Variants in AKR7A2 observed in about 807,000 individuals in gnomAD.
AKR7A2 encodes aflatoxin B1 aldehyde reductase member 2.
Under a neutral mutation model 37.3 loss-of-function variants are expected in AKR7A2, and 29 were observed. The observed-to-expected ratio is 0.78, with a 90% CI of 0.58 to 1.06. The LOEUF (loss-of-function observed/expected upper bound fraction) is 1.06. Ranked by LOEUF, AKR7A2 falls within the 50% of genes least tolerant of loss-of-function variation. The pLI is 0.00. For missense variants in AKR7A2, 529 were observed against 497.9 expected (o/e 1.06, Z -0.59); for synonymous variants, 228 against 217.8 (o/e 1.05, Z -0.41).
intron 6 of AKR7A2, among the ~76,000 whole-genome samples, chr1:19,305,336 T>G (rs912697981): frequency 5.3e-5 from 8 of 152,198 alleles, no homozygotes; most frequent in African/African-American, 1.9e-4. Context: ...TTATTTTCAT[T>G]GTTGTTTGCT....
At position 19,304,432 on chromosome 1, in the gene AKR7A2, G is replaced by A. The variant is rs758965639; in HGVS notation, c.919-46C>T. On this transcript the variant is annotated intron_variant, in intron 6 of 6. Coordinates refer to ENST00000235835, the MANE Select transcript of AKR7A2 (RefSeq NM_003689.4). ...CTTCAACCCTCTTCTGCTGCACAGC[G>A]ACTCCACTCACAGCCGTCCCAGCCA... The A allele has an allele frequency of 6.7e-5, 108 of 1,613,572 alleles. 1 individual carries two copies. The highest frequency in any genetic ancestry group is 4.9e-4 in the Middle Eastern group (3 of 6,078).
At position 19,308,140 on chromosome 1, in the gene AKR7A2, T is replaced by C; in HGVS notation, c.591+18A>G. On this transcript the variant is annotated intron_variant, in intron 3 of 6. Coordinates refer to ENST00000235835, the MANE Select transcript of AKR7A2 (RefSeq NM_003689.4). ...CAGGAGTCCTGGAGACCTTGGCCTC[T>C]GCAGCCCCGGCCCTCACCTGGTACA... 6.2e-7 allele frequency: 1 copy of C among 1,613,938 alleles called. No homozygotes were observed. The highest frequency in any genetic ancestry group is 8.5e-7 in the Non-Finnish European group (1 of 1,179,858).
intron 1 of AKR7A2, among the ~76,000 whole-genome samples, chr1:19,311,355 G>T (rs1293116864): frequency 6.6e-6 from 1 of 152,198 alleles, no homozygotes; most frequent in East Asian, 1.9e-4. Flanking sequence ...CCAGCCTTAC[G>T]GCATCGCCAC....
intron 1 of AKR7A2, among the ~76,000 whole-genome samples, chr1:19,310,449 G>C (rs1481034234): frequency 2.6e-5 from 4 of 152,094 alleles, no homozygotes. Flanking sequence ...TATAATCCCA[G>C]CACTTTGGGA....
chr1:19,311,837 G>C lies in AKR7A2; in HGVS notation c.288C>G (p.Gly96=). The C allele has an allele frequency of 6.2e-7, 1 of 1,610,264 alleles. No individual in the cohort carries two copies. The highest frequency in any genetic ancestry group is 8.5e-7 in the Non-Finnish European group (1 of 1,179,492). ...TGCAGCTACTGTTACCTCTGCAGTCGCCACCGCCCAGCCCGAGCCCCAGGC... is the reference window on the plus strand; with the variant it reads ...TGCAGCTACTGTTACCTCTGCAGTCCCCACCGCCCAGCCCGAGCCCCAGGC... The part of the protein sequence containing the change: ...LGGLGLGLGG[G]DCRVKIATKA... The change falls in exon 1 of 7, where the codon GGC becomes GGG. Residue 96 remains glycine (G), a synonymous_variant. Coordinates refer to ENST00000235835, the MANE Select transcript of AKR7A2 (RefSeq NM_003689.4).
intron 5 of AKR7A2, 45 bp from the exon 6 acceptor site, chr1:19,306,192 C>G: frequency 6.2e-7 from 1 of 1,613,584 alleles, no homozygotes; most frequent in Non-Finnish European, 8.5e-7. Context: ...CCATGGGGGT[C>G]ACACTGGGAG....
At chr1:19,306,725 C>G (rs2093762204) in intron 5 of AKR7A2, among the ~76,000 whole-genome samples, 1 of 152,092 alleles carries the variant, frequency 6.6e-6, no homozygotes, top group African/African-American at 2.4e-5. Flanking sequence ...AGCCACCATG[C>G]CTGGCCCATC....
chr1:19,311,870 G>A lies in AKR7A2; in HGVS notation c.255C>T (p.Ile85=). The A allele has an allele frequency of 1.9e-6, 3 of 1,610,812 alleles. No homozygotes were observed. The highest frequency in any genetic ancestry group is 2.5e-6 in the Non-Finnish European group (3 of 1,179,584). The change falls in exon 1 of 7, where the codon ATC becomes ATT. Residue 85 remains isoleucine, a synonymous_variant. Coordinates refer to ENST00000235835, the MANE Select transcript of AKR7A2 (RefSeq NM_003689.4). ...FMYSDGQSET[I]LGGLGLGLGG... is the part of the protein sequence containing the mutation. ...CCAGCCCGAGCCCCAGGCCGCCCAG[G>A]ATGGTCTCGGACTGGCCGTCGCTGT...
intron 3 of AKR7A2, chr1:19,307,789 G>A (rs966405897): frequency 2.0e-6 from 1 of 491,240 alleles, no homozygotes; most frequent in Admixed American, 3.3e-5. Flanking sequence ...AATGTATGAA[G>A]ATGAGATTTG....
chr1:19,307,844 G>T (rs548160084), intron 3 of AKR7A2: 1 of 526,854 alleles, frequency 1.9e-6, no homozygotes, highest in Non-Finnish European at 3.4e-6. Flanking sequence ...GCTTCCAGAG[G>T]AGGAGACCTC....
chr1:19,311,371 T>C (rs575069041), intron 1 of AKR7A2, among the ~76,000 whole-genome samples: 15 of 152,360 alleles, frequency 9.8e-5, no homozygotes, highest in African/African-American at 3.4e-4. Context: ...GCCACAGTTC[T>C]CCCTGAGAGA....
chr1:19,311,801 T>C, intron 1 of AKR7A2, 26 bp downstream of exon 1: 1 of 1,609,490 alleles, frequency 6.2e-7, no homozygotes, highest in Non-Finnish European at 8.5e-7. Flanking sequence ...ACACGATGCA[T>C]GGGGAGGATC....
intron 1 of AKR7A2, among the ~76,000 whole-genome samples, chr1:19,308,996 G>A (rs909473920): frequency 5.9e-5 from 9 of 152,178 alleles, no homozygotes; most frequent in Admixed American, 3.3e-4. Context: ...AAAGGCACAC[G>A]ATGCCAAGGA....
intron 3 of AKR7A2, 140 bp downstream of exon 3, chr1:19,308,018 G>C: frequency 9.3e-7 from 1 of 1,080,164 alleles, no homozygotes; most frequent in Non-Finnish European, 1.4e-6. Flanking sequence ...GCATCCTGAG[G>C]GTACATGGGA....
At chr1:19,305,988 A>G (rs371387642) in intron 6 of AKR7A2, 30 bp downstream of exon 6, 8 of 1,613,216 alleles carry the variant, frequency 5.0e-6, no homozygotes, top group Non-Finnish European at 5.9e-6. Flanking sequence ...CTGGAAGGGA[A>G]GAAGCTGAGC....
chr1:19,311,923 G>C lies in AKR7A2; in HGVS notation c.202C>G (p.His68Asp). The C allele has an allele frequency of 6.2e-7, 1 of 1,608,826 alleles. No homozygotes were observed. The highest frequency in any genetic ancestry group is 8.5e-7 in the Non-Finnish European group (1 of 1,178,602). Reference protein sequence around the residue: ...AAVRAFLERGHTELDTAFMYS... With the variant: ...AAVRAFLERGDTELDTAFMYS... ...ATGAAGGCCGTGTCCAGTTCGGTGTGGCCGCGCTCCAGAAAGGCGCGCACG... is the reference window on the plus strand; with the variant it reads ...ATGAAGGCCGTGTCCAGTTCGGTGTCGCCGCGCTCCAGAAAGGCGCGCACG... The change falls in exon 1 of 7, where the codon CAC (histidine) becomes GAC (aspartate). Residue 68 changes from histidine (H) to aspartate (D), a missense_variant. Transcript: ENST00000235835.
Position 19,308,513 on chromosome 1 carries a change from G to C in AKR7A2, c.428C>G (p.Pro143Arg), listed in dbSNP as rs758337027. 1.2e-6 allele frequency: 2 copies of C among 1,614,214 alleles called. No homozygotes were observed. The highest frequency in any genetic ancestry group is 3.3e-5 in the Admixed American group (2 of 60,034). ...CTCTTCCACCGGGGTGCCGTGGTCAGGTGCGTGTAGGTAGAAGAGGTCCAC... is the reference window on the plus strand; with the variant it reads ...CTCTTCCACCGGGGTGCCGTGGTCACGTGCGTGTAGGTAGAAGAGGTCCAC... Reference protein sequence around the residue: ...PQVDLFYLHAPDHGTPVEETL... With the variant: ...PQVDLFYLHARDHGTPVEETL... Residue 143 changes from proline to arginine, a missense_variant, in exon 2 of 7, where the codon CCT becomes CGT. Physicochemically the swap from Pro to Arg is moderately radical, Grantham distance 103. Transcript: ENST00000235835.
intron 2 of AKR7A2, 55 bp from the exon 3 acceptor site, chr1:19,308,317 G>T (rs1325261622): frequency 1.2e-6 from 2 of 1,611,414 alleles, no homozygotes; most frequent in Non-Finnish European, 1.7e-6. Flanking sequence ...AGGAAGGGGA[G>T]GCCAGGGTGG....
chr1:19,303,640 T>C (rs1354230833), downstream of AKR7A2, among the ~76,000 whole-genome samples: 1 of 150,156 alleles, frequency 6.7e-6, no homozygotes, highest in Admixed American at 6.6e-5. Context: ...GGAAGTGTTC[T>C]TCTTCTTGGT....
Sources: gnomAD v4.1 joint callset for allele counts (sites outside exome capture counted in the v4.1 genomes callset) on GRCh38, gnomAD v4.1.1 for gene constraint, MANE v1.5 for transcripts, NCBI Gene and HGNC (gene_info 2026-07-23, HGNC 2026-07-21) for gene names.